Variants in AFG1L observed in about 807,000 individuals in gnomAD.
AFG1L encodes AFG1-like ATPase.
In AFG1L, 53 loss-of-function variants were observed where a neutral mutation model predicts 62.2. That is an observed-to-expected ratio of 0.85 (90% CI 0.68 to 1.07). The LOEUF (loss-of-function observed/expected upper bound fraction) is 1.07, where lower values mean the gene tolerates loss of function less well. Ranked by LOEUF, AFG1L falls within the 50% of genes least tolerant of loss-of-function variation. The probability of loss-of-function intolerance (pLI) is 0.00; values close to 1 mark genes in which losing one functional copy is unlikely to be tolerated. For missense variants in AFG1L, 555 were observed against 590.5 expected, an observed-to-expected ratio of 0.94 and a Z score of 0.62; for synonymous variants, 228 against 210.3, an observed-to-expected ratio of 1.08 and a Z score of -0.73.
At chr6:108,411,676 A>G (rs1782118912) in intron 7 of AFG1L, among the ~76,000 whole-genome samples, 1 of 152,258 alleles carries the variant, frequency 6.6e-6, no homozygotes, top group Non-Finnish European at 1.5e-5. Context: ...AAACTCCAAC[A>G]GACCTGCAGC....
chr6:108,460,587 A>G (rs780201527), intron 8 of AFG1L, among the ~76,000 whole-genome samples: 1 of 151,450 alleles, frequency 6.6e-6, no homozygotes, highest in Non-Finnish European at 1.5e-5. Flanking sequence ...TTTCTCTTAC[A>G]TTAAGTGTTT....
At chr6:108,329,591 G>A (rs767200977) in intron 2 of AFG1L, among the ~76,000 whole-genome samples, 5 of 152,026 alleles carry the variant, frequency 3.3e-5, no homozygotes, top group Non-Finnish European at 4.4e-5. Context: ...GAGCCACTGC[G>A]CCTGGCCCCA....
chr6:108,370,522 A>G (rs1779956308), intron 6 of AFG1L, among the ~76,000 whole-genome samples: 1 of 152,234 alleles, frequency 6.6e-6, no homozygotes, highest in African/African-American at 2.4e-5. Context: ...GGCCAGGAAT[A>G]TAGCCAAAGT....
At chr6:108,463,498 A>G (rs1488115124) in intron 8 of AFG1L, among the ~76,000 whole-genome samples, 1 of 151,656 alleles carries the variant, frequency 6.6e-6, no homozygotes, top group Non-Finnish European at 1.5e-5. Context: ...CCAAGTTGCA[A>G]TTCTAGATGT....
intron 10 of AFG1L, among the ~76,000 whole-genome samples, chr6:108,507,492 G>A (rs576391021): frequency 1.7e-4 from 26 of 152,184 alleles, no homozygotes; most frequent in Non-Finnish European, 3.7e-4. Context: ...ACTGACAAAG[G>A]TATGTAATTT....
At chr6:108,296,884 C>T (rs1178213421) in intron 1 of AFG1L, among the ~76,000 whole-genome samples, 1 of 152,128 alleles carries the variant, frequency 6.6e-6, no homozygotes, top group African/African-American at 2.4e-5. Context: ...TCATTATCCT[C>T]ATTTTGGAGA....
rs9386725 is a variant in AFG1L at position 108,437,133 on chromosome 6, G to A, written c.808-10081G>A. Among the ~76,000 whole-genome samples the A allele has an allele frequency of 1.8e-3, 277 of 152,222 alleles. 3 individuals are homozygous for A. The East Asian group carries it at 0.041, about 23-fold the overall frequency. On this transcript the variant is annotated intron_variant, in intron 7 of 12. Coordinates refer to ENST00000368977, the MANE Select transcript of AFG1L (RefSeq NM_145315.5). ...CCTCAGGACTTAATCACCTCCCAAA[G>A]GCCCTACCTCCTAATATCACACTGG...
chr6:108,378,965 ATGCTGC>A (rs556577854), intron 6 of AFG1L, among the ~76,000 whole-genome samples: 1 of 138,234 alleles, frequency 7.2e-6, no homozygotes, highest in Non-Finnish European at 1.6e-5. Context: ...GAACAGCCCT[ATGCTGC>A]TGCTGCTGCT....
At chr6:108,367,258 T>A (rs1442178699) in intron 6 of AFG1L, among the ~76,000 whole-genome samples, 2 of 152,232 alleles carry the variant, frequency 1.3e-5, no homozygotes, top group African/African-American at 4.8e-5. Context: ...GTCTTACACA[T>A]AGATGGTTCT....
chr6:108,398,788 AT>A (rs1781426707), intron 6 of AFG1L, among the ~76,000 whole-genome samples: 1 of 151,832 alleles, frequency 6.6e-6, no homozygotes, highest in Non-Finnish European at 1.5e-5. Flanking sequence ...TGGGTTCTCT[AT>A]TTTGTTCTGT....
intron 8 of AFG1L, among the ~76,000 whole-genome samples, chr6:108,467,413 T>A (rs928843036): frequency 2.0e-5 from 3 of 152,126 alleles, no homozygotes; most frequent in Non-Finnish European, 4.4e-5. Context: ...ACCTGGCTAG[T>A]TTTTTAATAT....
At chr6:108,341,691 C>T (rs1778689317) in intron 2 of AFG1L, among the ~76,000 whole-genome samples, 1 of 152,008 alleles carries the variant, frequency 6.6e-6, no homozygotes, top group Admixed American at 6.6e-5. Context: ...GGTAGGTTAT[C>T]ACTGTCTTCC....
At chr6:108,365,515 G>C (rs1404345368) in intron 5 of AFG1L, among the ~76,000 whole-genome samples, 2 of 141,010 alleles carry the variant, frequency 1.4e-5, no homozygotes, top group African/African-American at 5.4e-5. Flanking sequence ...TTGGTAGAAG[G>C]AATATTTGTG....
intron 2 of AFG1L, among the ~76,000 whole-genome samples, chr6:108,339,374 G>A (rs4946914): frequency 0.99 from 150,597 of 152,102 alleles, 74,563 homozygotes; most frequent in East Asian, 1. Context: ...TCTTGGCCTC[G>A]AGTGATCTGC....
At chr6:108,316,273 T>G (rs969745052) in intron 1 of AFG1L, among the ~76,000 whole-genome samples, 1 of 136,034 alleles carries the variant, frequency 7.4e-6, no homozygotes, top group African/African-American at 2.7e-5. Flanking sequence ...CCCAGCTACT[T>G]GGGAGGCTGA....
At chr6:108,444,343 T>C (rs1194267853) in intron 7 of AFG1L, among the ~76,000 whole-genome samples, 1 of 152,196 alleles carries the variant, frequency 6.6e-6, no homozygotes, top group Non-Finnish European at 1.5e-5. Context: ...CAGTGAGTGG[T>C]CATCTTTTTG....
At chr6:108,517,616 C>T (rs1437799274) in intron 11 of AFG1L, among the ~76,000 whole-genome samples, 1 of 152,088 alleles carries the variant, frequency 6.6e-6, no homozygotes, top group Non-Finnish European at 1.5e-5. Context: ...GTCTAAAACA[C>T]CAAAAGCAAT....
intron 10 of AFG1L, among the ~76,000 whole-genome samples, chr6:108,483,030 T>C (rs1773389924): frequency 6.6e-6 from 1 of 152,162 alleles, no homozygotes; most frequent in African/African-American, 2.4e-5. Context: ...TACATTTCCC[T>C]CTTTCAACTA....
intron 8 of AFG1L, among the ~76,000 whole-genome samples, chr6:108,447,597 G>A (rs1771870314): frequency 6.6e-6 from 1 of 152,138 alleles, no homozygotes; most frequent in Admixed American, 6.5e-5. Context: ...TATCTTTAAT[G>A]TGTGAAGTAA....
Sources: gnomAD v4.1 joint callset for allele counts (sites outside exome capture counted in the v4.1 genomes callset) on GRCh38, gnomAD v4.1.1 for gene constraint, MANE v1.5 for transcripts, NCBI Gene and HGNC (gene_info 2026-07-23, HGNC 2026-07-21) for gene names.